The following PCDHGB4 variants were observed in gnomAD, a reference collection of about 807,000 sequenced individuals.
The protein encoded by PCDHGB4 is protocadherin gamma-B4.
In PCDHGB4, 38 loss-of-function variants were observed where a neutral mutation model predicts 60.5. The observed-to-expected ratio is 0.63, with a 90% CI of 0.48 to 0.82. The LOEUF (loss-of-function observed/expected upper bound fraction) is 0.82, where lower values mean the gene tolerates loss of function less well. Ranked by LOEUF, PCDHGB4 falls within the 40% of genes least tolerant of loss-of-function variation. The probability of loss-of-function intolerance (pLI) is 0.00; values close to 1 mark genes in which losing one functional copy is unlikely to be tolerated. For missense variants in PCDHGB4, 1,109 were observed against 1,209.6 expected, an observed-to-expected ratio of 0.92 and a Z score of 1.23; for synonymous variants, 456 against 509.7, an observed-to-expected ratio of 0.89 and a Z score of 1.42.
chr5:141,390,054 T>G lies in PCDHGB4; in HGVS notation c.2170T>G (p.Cys724Gly), dbSNP rs763200251. The change falls in exon 1 of 4, where the codon TGC becomes GGC. Residue 724 changes from cysteine to glycine, a missense_variant. By Grantham distance (159) the Cys-to-Gly change is radical. Transcript: ENST00000519479. ...RRSSSPASWS[C>G]FQPGLCVKSE... is the part of the protein sequence containing the mutation. ...CTCCTCCAGCCCCGCCTCCTGGAGC[T>G]GCTTCCAGCCTGGTCTCTGTGTTAA... is the stretch of plus-strand genomic sequence containing the variant. 6.2e-7 allele frequency: 1 copy of G among 1,614,070 alleles called. No homozygotes were observed. The highest frequency in any genetic ancestry group is 8.5e-7 in the Non-Finnish European group (1 of 1,179,906).
Position 141,491,205 on chromosome 5 carries a change from A to G in PCDHGB4, c.2398-3602A>G, listed in dbSNP as rs2233609. 2,395 of 1,613,578 alleles carry G rather than the reference A, an allele frequency of 1.5e-3. 36 individuals are homozygous for G. The African/African-American group carries it at 0.028, about 19-fold the overall frequency. On this transcript the variant is annotated intron_variant, in intron 1 of 3. Coordinates refer to ENST00000519479, the MANE Select transcript of PCDHGB4 (RefSeq NM_003736.4). This position sits in a 1 kb window ranked among gnomAD's most constrained non-coding sequence, Gnocchi z 6.9. The stretch of plus-strand genomic sequence containing the variant: ...TGGTGAGGGACAATGGTGACCCTTC[A>G]CTCTCCTCCACAGCCACAGTGCTGC...
chr5:141,427,820 G>A (rs2097075272), intron 1 of PCDHGB4: 2 of 1,532,144 alleles, frequency 1.3e-6, no homozygotes, highest in East Asian at 4.5e-5. Flanking sequence ...GCGGGGTGGT[G>A]GTCGCGCAGC....
chr5:141,392,929 C>T (rs1474626800), intron 1 of PCDHGB4: 6 of 1,613,770 alleles, frequency 3.7e-6, no homozygotes, highest in Non-Finnish European at 5.1e-6. Flanking sequence ...CCAGAAGAGA[C>T]GGACAAAGGC....
At chr5:141,417,628 A>T (rs2096139720) in intron 1 of PCDHGB4, 1 of 692,650 alleles carries the variant, frequency 1.4e-6, no homozygotes, top group Non-Finnish European at 2.3e-6. Context: ...GCAAGCGCTG[A>T]CGCCGGGGAT....
At position 141,389,790 on chromosome 5, in the gene PCDHGB4, G is replaced by C. The variant is rs1328126483; in HGVS notation, c.1906G>C (p.Val636Leu). Residue 636 changes from valine (V) to leucine (L), a missense_variant, in exon 1 of 4, where the codon GTC (valine) becomes CTC (leucine). Coordinates refer to ENST00000519479, the MANE Select transcript of PCDHGB4 (RefSeq NM_003736.4). ...TARALGDRDA[V>L]RQRLLVAVRD... Reference sequence around the variant, plus strand: ...GCGTGCCTTAGGCGACAGGGACGCCGTCCGCCAGCGCCTTCTGGTCGCCGT... The same window carrying C: ...GCGTGCCTTAGGCGACAGGGACGCCCTCCGCCAGCGCCTTCTGGTCGCCGT... 6.2e-7 allele frequency: 1 copy of C among 1,613,470 alleles called. No homozygotes were observed. The highest frequency in any genetic ancestry group is 1.1e-5 in the South Asian group (1 of 91,050).
chr5:141,477,002 G>A lies in PCDHGB4; in HGVS notation c.2398-17805G>A, dbSNP rs770390597. On this transcript the variant is annotated intron_variant, in intron 1 of 3. Coordinates refer to ENST00000519479, the MANE Select transcript of PCDHGB4 (RefSeq NM_003736.4). The surrounding 1 kb of genome is among the most constrained non-coding windows in gnomAD (Gnocchi z 4.9). ...CCGCGCCGGCGTGCGGCAACTATTC[G>A]CCTTAGACCTTGTAACCGGGATGCT... 6.2e-7 allele frequency: 1 copy of A among 1,614,102 alleles called. No homozygotes were observed. The highest frequency in any genetic ancestry group is 1.3e-5 in the African/African-American group (1 of 74,952).
At chr5:141,452,016 A>G (rs988436326) in intron 1 of PCDHGB4, among the ~76,000 whole-genome samples, 5 of 152,084 alleles carry the variant, frequency 3.3e-5, no homozygotes, top group Non-Finnish European at 5.9e-5. Flanking sequence ...TCCAGCCCAC[A>G]CTCTGGGGAG....
chr5:141,387,923 G>T lies in PCDHGB4; in HGVS notation c.39G>T (p.Arg13Ser), dbSNP rs2091157364. The T allele has an allele frequency of 2.7e-6, 4 of 1,475,394 alleles. No individual in the cohort carries two copies. In the Admixed American group the frequency reaches 1.1e-4, roughly 39 times the overall value. 91.4% of individuals were successfully genotyped at this position (1,475,394 alleles called of 1,614,324 possible). Residue 13 changes from arginine (R) to serine (S), a missense_variant, in exon 1 of 4, where the codon AGG becomes AGT. Physicochemically the swap from Arg to Ser is moderately radical, Grantham distance 110. Around this residue, in one of 2 missense-constraint regions of PCDHGB4, gnomAD observed 41 missense variants for 119.7 expected, o/e 0.34. Coordinates refer to ENST00000519479, the MANE Select transcript of PCDHGB4 (RefSeq NM_003736.4). ...CCGGGGAGCTGGGCCGGGCTGAGAG[G>T]CTGCCAGTGCTCTTTCTCTTCCTGC... Reference protein sequence around the residue: ...SGAGELGRAERLPVLFLFLLS... With the variant: ...SGAGELGRAESLPVLFLFLLS...
chr5:141,413,137 T>C, intron 1 of PCDHGB4: 1 of 1,550,612 alleles, frequency 6.4e-7, no homozygotes, highest in Non-Finnish European at 8.7e-7. Flanking sequence ...ACACAACGTG[T>C]CCAGTGAGGA....
Position 141,511,350 on chromosome 5 carries a change from C to T in PCDHGB4, c.*177C>T, listed in dbSNP as rs1303365585. Reference sequence around the variant, plus strand: ...CCCAGTCAGCACCTACCCCTTCCCCCCCAGGGGGTTGAATATGCAAAAGCA... The same window carrying T: ...CCCAGTCAGCACCTACCCCTTCCCCTCCAGGGGGTTGAATATGCAAAAGCA... On this transcript the variant is annotated 3_prime_UTR_variant, in exon 4 of 4. Transcript: ENST00000519479. The T allele has an allele frequency of 6.4e-6, 9 of 1,397,076 alleles. No homozygotes were observed. Among genetic ancestry groups the T allele is most frequent in the Non-Finnish European group, 8.6e-6 (9 of 1,050,666 alleles). 86.5% of individuals were successfully genotyped at this position (1,397,076 alleles called of 1,614,324 possible).
rs1289513674 is a variant in PCDHGB4 at position 141,432,063 on chromosome 5, A to T, written c.2397+41782A>T. On this transcript the variant is annotated intron_variant, in intron 1 of 3. Coordinates refer to ENST00000519479, the MANE Select transcript of PCDHGB4 (RefSeq NM_003736.4). The surrounding 1 kb of genome is among the most constrained non-coding windows in gnomAD (Gnocchi z 6.0). ...CGGGGAACCCCGCCCCTATCCACGG[A>T]AACTCATATCTCGCTGAACGTGGCA... The T allele has an allele frequency of 8.7e-6, 14 of 1,614,134 alleles. No individual in the cohort carries two copies. The highest frequency in any genetic ancestry group is 1.2e-5 in the Non-Finnish European group (14 of 1,180,028).
chr5:141,418,875 A>G (rs2097697666), intron 1 of PCDHGB4: 1 of 1,613,926 alleles, frequency 6.2e-7, no homozygotes, highest in African/African-American at 1.3e-5. Flanking sequence ...GAAGTTGTAG[A>G]CGAAAACGAC....
At chr5:141,408,697 C>T (rs58047392) in intron 1 of PCDHGB4, 227,396 of 1,612,898 alleles carry the variant, frequency 0.14, 18,149 homozygotes, top group African/African-American at 0.31. Context: ...TAAACATAAA[C>T]TCAATTAAAG....
chr5:141,456,446 T>C (rs1053843910), intron 1 of PCDHGB4, among the ~76,000 whole-genome samples: 2 of 151,782 alleles, frequency 1.3e-5, no homozygotes, highest in Admixed American at 1.3e-4. Context: ...GTATACAGAG[T>C]CCAAATATCA....
intron 1 of PCDHGB4, among the ~76,000 whole-genome samples, chr5:141,466,916 GT>G (rs1204028461): frequency 6.6e-6 from 1 of 152,010 alleles, no homozygotes; most frequent in Non-Finnish European, 1.5e-5. Context: ...AAAACTCCTT[GT>G]ATTAGGAATA....
At chr5:141,479,186 T>A (rs956575218) in intron 1 of PCDHGB4, 1 of 152,590 alleles carries the variant, frequency 6.6e-6, no homozygotes, top group Non-Finnish European at 1.5e-5. Flanking sequence ...GCTAGAAAAT[T>A]CAGAAAATAC....
At chr5:141,456,593 G>C (rs917316601) in intron 1 of PCDHGB4, among the ~76,000 whole-genome samples, 2 of 152,168 alleles carry the variant, frequency 1.3e-5, no homozygotes, top group African/African-American at 4.8e-5. Flanking sequence ...CAATAATTTT[G>C]ATTTGATTTT....
At chr5:141,457,550 A>G (rs1331411755) in intron 1 of PCDHGB4, among the ~76,000 whole-genome samples, 1 of 152,230 alleles carries the variant, frequency 6.6e-6, no homozygotes, top group Non-Finnish European at 1.5e-5. Flanking sequence ...CAAATGTATG[A>G]TAAGCTTTGG....
At chr5:141,397,216 T>C (rs772120141) in intron 1 of PCDHGB4, among the ~76,000 whole-genome samples, 32 of 152,186 alleles carry the variant, frequency 2.1e-4, no homozygotes, top group Non-Finnish European at 4.1e-4. Context: ...AGAGAAGTAT[T>C]TTGAGATATG....
Sources: gnomAD v4.1 joint callset for allele counts (sites outside exome capture counted in the v4.1 genomes callset) on GRCh38, gnomAD v4.1.1 for gene constraint, gnomAD v4.1.1 regional missense constraint, Gnocchi (gnomAD v3.1) non-coding constraint, MANE v1.5 for transcripts, NCBI Gene and HGNC (gene_info 2026-07-23, HGNC 2026-07-21) for gene names.